The following DCHS1 variants were observed in gnomAD, a reference collection of about 807,000 sequenced individuals.
DCHS1 encodes protocadherin-16.
In DCHS1, 78 loss-of-function variants were observed where a neutral mutation model predicts 213.9. That is an observed-to-expected ratio of 0.36 (90% CI 0.30 to 0.44). DCHS1 has a LOEUF of 0.44. DCHS1 is among the 20% of genes least tolerant of loss of function. The pLI is 1.00. For missense variants in DCHS1, 3,946 were observed against 4,395.9 expected, an observed-to-expected ratio of 0.90 and a Z score of 2.89; for synonymous variants, 1,828 against 1,873.7, an observed-to-expected ratio of 0.98 and a Z score of 0.63.
rs1166792634 is a variant in DCHS1, at chr11:6,626,342, C to T, written c.6403G>A (p.Glu2135Lys). Residue 2135 changes from glutamate to lysine, a missense_variant, in exon 16 of 21, where the codon GAG becomes AAG. Glu to Lys is a moderately conservative substitution (Grantham distance 56). Coordinates refer to ENST00000299441, the MANE Select transcript of DCHS1 (RefSeq NM_003737.4). The surrounding 1 kb of genome is among the most constrained non-coding windows in gnomAD (Gnocchi z 5.2). The stretch of plus-strand genomic sequence containing the variant: ...ACCAGTCGCAGCCGTGGACTCACCT[C>T]GAAGTCTAGCCCCTCTGCTGAGCGA... ...TVRSAEGLDF[E>K]VSPRLRLVLQ... is the part of the protein sequence containing the mutation. 1.2e-6 allele frequency: 2 copies of T among 1,613,496 alleles called. No individual in the cohort carries two copies. Among genetic ancestry groups the T allele is most frequent in the Non-Finnish European group, 1.7e-6 (2 of 1,179,728 alleles).
At chr11:6,642,906 T>C (rs1301171976) in intron 1 of DCHS1, among the ~76,000 whole-genome samples, 1 of 151,836 alleles carries the variant, frequency 6.6e-6, no homozygotes, top group Non-Finnish European at 1.5e-5. Flanking sequence ...GTAACTTGGG[T>C]GAGTGTAAGC....
Position 6,622,217 on chromosome 11 carries a change from G to A in DCHS1, c.9459C>T (p.Gly3153=), listed in dbSNP as rs145042783. 3.6e-5 allele frequency: 57 copies of A among 1,600,200 alleles called. No homozygotes were observed. In the Middle Eastern group the frequency reaches 6.6e-4, roughly 19 times the overall value. ...TATAGCTGCCACGGAGCTCCTCCTCGCCGGCCACAATGGCTGTCAGCGCAC... is the reference window on the plus strand; with the variant it reads ...TATAGCTGCCACGGAGCTCCTCCTCACCGGCCACAATGGCTGTCAGCGCAC... The part of the protein sequence containing the change: ...VAGALTAIVA[G]EEELRGSYNW... Residue 3153 remains glycine (G), a synonymous_variant, in exon 21 of 21, where the codon GGC becomes GGT. Coordinates refer to ENST00000299441, the MANE Select transcript of DCHS1 (RefSeq NM_003737.4). This position sits in a 1 kb window ranked among gnomAD's most constrained non-coding sequence, Gnocchi z 5.4.
Position 6,628,775 on chromosome 11 carries a change from C to T in DCHS1, c.5217G>A (p.Val1739=). ...CATGGTCATTCTCATCCTCCACAGC[C>T]ACTCGAACAGTGACATGCGTTAACT... The part of the protein sequence containing the change: ...PPQLTHVTVR[V]AVEDENDHAP... The change falls in exon 13 of 21, where the codon GTG becomes GTA. Residue 1739 remains valine (V), a synonymous_variant. Transcript: ENST00000299441. This position sits in a 1 kb window ranked among gnomAD's most constrained non-coding sequence, Gnocchi z 4.3. 1 of 1,614,012 alleles carries T rather than the reference C, an allele frequency of 6.2e-7. No homozygotes were observed. Among genetic ancestry groups the T allele is most frequent in the East Asian group, 2.2e-5 (1 of 44,886 alleles).
At position 6,640,620 on chromosome 11, in the gene DCHS1, C is replaced by A; in HGVS notation, c.994G>T (p.Val332Leu). The A allele has an allele frequency of 6.2e-7, 1 of 1,609,888 alleles. No homozygotes were observed. Among genetic ancestry groups the A allele is most frequent in the Non-Finnish European group, 8.5e-7 (1 of 1,179,866 alleles). The change falls in exon 2 of 21, where the codon GTG becomes TTG. Residue 332 changes from valine to leucine, a missense_variant. Val to Leu is a conservative substitution (Grantham distance 32, BLOSUM62 1). Coordinates refer to ENST00000299441, the MANE Select transcript of DCHS1 (RefSeq NM_003737.4). The surrounding 1 kb of genome is among the most constrained non-coding windows in gnomAD (Gnocchi z 6.5). ...FEQRRVHELV[V>L]QARDGGAHPE... The stretch of plus-strand genomic sequence containing the variant: ...TGAGCCCCACCATCTCGTGCTTGCA[C>A]CACCAGTTCATGGACCCGCCGCTGC...
Position 6,622,195 on chromosome 11 carries a change from A to G in DCHS1, c.9481T>C (p.Tyr3161His). Reference protein sequence around the residue: ...VAGEEELRGSYNWDYLLSWCP... With the variant: ...VAGEEELRGSHNWDYLLSWCP... ...CAGCTCAGCAGGTAGTCCCAGTTAT[A>G]GCTGCCACGGAGCTCCTCCTCGCCG... Residue 3161 changes from tyrosine (Y) to histidine (H), a missense_variant, in exon 21 of 21, where the codon TAT becomes CAT. Transcript: ENST00000299441. This position sits in a 1 kb window ranked among gnomAD's most constrained non-coding sequence, Gnocchi z 5.4. 1.2e-6 allele frequency: 2 copies of G among 1,606,020 alleles called. No individual in the cohort carries two copies. The highest frequency in any genetic ancestry group is 2.2e-5 in the East Asian group (1 of 44,700).
chr11:6,628,752 T>C lies in DCHS1; in HGVS notation c.5240A>G (p.His1747Arg). Residue 1747 changes from histidine (H) to arginine (R), a missense_variant, in exon 13 of 21, where the codon CAT becomes CGT. By Grantham distance (29) the His-to-Arg change is conservative (BLOSUM62 0). Around this residue, in one of 3 missense-constraint regions of DCHS1, gnomAD observed 3,384 missense variants for 3,780.1 expected, o/e 0.90. Coordinates refer to ENST00000299441, the MANE Select transcript of DCHS1 (RefSeq NM_003737.4). This position sits in a 1 kb window ranked among gnomAD's most constrained non-coding sequence, Gnocchi z 4.3. ...ATGGGCACTCCCAAAGGTTGGTGCATGGTCATTCTCATCCTCCACAGCCAC... is the reference window on the plus strand; with the variant it reads ...ATGGGCACTCCCAAAGGTTGGTGCACGGTCATTCTCATCCTCCACAGCCAC... ...VRVAVEDEND[H>R]APTFGSAHLS... 2 of 1,614,010 alleles carry C rather than the reference T, an allele frequency of 1.2e-6. No homozygotes were observed. Among genetic ancestry groups the C allele is most frequent in the African/African-American group, 1.3e-5 (1 of 75,048 alleles).
Position 6,650,611 on chromosome 11 carries a change from A to T in DCHS1, c.-121+4952T>A, listed in dbSNP as rs557637218. 2.0e-5 allele frequency among the ~76,000 whole-genome samples: 3 copies of T among 152,330 alleles called. No homozygotes were observed. In the East Asian group the frequency reaches 5.8e-4, roughly 29 times the overall value. ...TAATATGGGGAGGACTGAGGCCAGG[A>T]TGCCAGGAGTTGGAGGGCTCAGGGT... On this transcript the variant is annotated intron_variant, in intron 1 of 20. Transcript: ENST00000299441.
In DCHS1 at chr11:6,623,012, G is replaced by A. The variant is rs1167175925; in HGVS notation, c.8664C>T (p.Gly2888=). Residue 2888 remains glycine (G), a synonymous_variant, in exon 21 of 21, where the codon GGC becomes GGT. Transcript: ENST00000299441. Reference sequence around the variant, plus strand: ...CCCGTGGTGCTTCCCGCCGGGTCCGGCCCCCACCCCCAGAGGTGGCTGTTC... The same window carrying A: ...CCCGTGGTGCTTCCCGCCGGGTCCGACCCCCACCCCCAGAGGTGGCTGTTC... The part of the protein sequence containing the change: ...GSGTATSGGG[G]RTRREAPREL... The A allele has an allele frequency of 5.1e-6, 8 of 1,571,850 alleles. No individual in the cohort carries two copies. Among genetic ancestry groups the A allele is most frequent in the Non-Finnish European group, 5.2e-6 (6 of 1,159,158 alleles).
Position 6,640,985 on chromosome 11 carries a change from G to A in DCHS1, c.629C>T (p.Thr210Ile). The A allele has an allele frequency of 5.0e-6, 8 of 1,614,032 alleles. No homozygotes were observed. The highest frequency in any genetic ancestry group is 6.8e-6 in the Non-Finnish European group (8 of 1,179,894). ...DGTPVPELVV[T>I]GELDRENRSH... is the part of the protein sequence containing the mutation. ...GCGGTTCTCTCGGTCCAGTTCCCCA[G>A]TAACTACCAGCTCAGGTACTGGAGT... The change falls in exon 2 of 21, where the codon ACT becomes ATT. Residue 210 changes from threonine to isoleucine, a missense_variant. Thr to Ile is a moderately conservative substitution (Grantham distance 89). Coordinates refer to ENST00000299441, the MANE Select transcript of DCHS1 (RefSeq NM_003737.4). This position sits in a 1 kb window ranked among gnomAD's most constrained non-coding sequence, Gnocchi z 6.5.
In DCHS1 at chr11:6,634,171, C is replaced by A; in HGVS notation, c.1933G>T (p.Asp645Tyr). The A allele has an allele frequency of 6.2e-7, 1 of 1,613,002 alleles. No homozygotes were observed. The highest frequency in any genetic ancestry group is 1.1e-5 in the South Asian group (1 of 91,004). The change falls in exon 3 of 21, where the codon GAC becomes TAC. Residue 645 changes from aspartate to tyrosine, a missense_variant. Physicochemically the swap from Asp to Tyr is radical, Grantham distance 160. Transcript: ENST00000299441. ...SGDVCTTRTL[D>Y]RDQGPSSFDF... Reference sequence around the variant, plus strand: ...AAGCTTGAGGGCCCCTGGTCACGGTCCAGGGTCCGGGTTGTGCACACATCA... The same window carrying A: ...AAGCTTGAGGGCCCCTGGTCACGGTACAGGGTCCGGGTTGTGCACACATCA...
chr11:6,654,536 T>A (rs1254851080), intron 1 of DCHS1, among the ~76,000 whole-genome samples: 2 of 152,082 alleles, frequency 1.3e-5, no homozygotes, highest in African/African-American at 4.8e-5. Context: ...TTGCAGCATT[T>A]CTCCTGTGGG....
chr11:6,631,195 A>T lies in DCHS1; in HGVS notation c.3788T>A (p.Leu1263His). The change falls in exon 9 of 21, where the codon CTT (leucine) becomes CAT (histidine). Residue 1263 changes from leucine (L) to histidine (H), a missense_variant. By Grantham distance (99) the Leu-to-His change is moderately conservative. Transcript: ENST00000299441. ...LYTLTGPGSE[L>H]FSLHPHSGEL... Reference sequence around the variant, plus strand: ...CCCTGAGTGAGGGTGCAGAGAGAAAAGCTCTGAGCCAGGACCTGGGGACAG... The same window carrying T: ...CCCTGAGTGAGGGTGCAGAGAGAAATGCTCTGAGCCAGGACCTGGGGACAG... 1 of 1,611,384 alleles carries T rather than the reference A, an allele frequency of 6.2e-7. No individual in the cohort carries two copies. The highest frequency in any genetic ancestry group is 8.5e-7 in the Non-Finnish European group (1 of 1,178,090).
chr11:6,624,681 A>G (rs368729057), intron 20 of DCHS1, 49 bp downstream of exon 20: 308 of 1,611,422 alleles, frequency 1.9e-4, no homozygotes, highest in Non-Finnish European at 2.2e-4. Flanking sequence ...AGGTCAGATT[A>G]CAGCCCAACA....
At chr11:6,634,335 C>A in intron 2 of DCHS1, 29 bp from the exon 3 acceptor site, 1 of 1,536,168 alleles carries the variant, frequency 6.5e-7, no homozygotes, top group Admixed American at 2.1e-5. Flanking sequence ...GAGTGGTGTC[C>A]CCTCTTCTTT....
In DCHS1 at chr11:6,623,391, C is replaced by G; in HGVS notation, c.8285G>C (p.Ser2762Thr). Residue 2762 changes from serine to threonine, a missense_variant, in exon 21 of 21, where the codon AGC becomes ACC. Physicochemically the swap from Ser to Thr is moderately conservative, Grantham distance 58. Transcript: ENST00000299441. Reference protein sequence around the residue: ...PEGREAFALNSSTGELRARVP... With the variant: ...PEGREAFALNTSTGELRARVP... ...TCGCGCACGCAACTCCCCTGTTGAG[C>G]TGTTCAGTGCAAATGCCTCACGGCC... The G allele has an allele frequency of 3.8e-6, 6 of 1,597,336 alleles. No homozygotes were observed. The highest frequency in any genetic ancestry group is 5.1e-6 in the Non-Finnish European group (6 of 1,171,972).
chr11:6,623,399 T>C lies in DCHS1; in HGVS notation c.8277A>G (p.Ala2759=). 1.9e-6 allele frequency: 3 copies of C among 1,595,514 alleles called. No homozygotes were observed. The Middle Eastern group carries it at 5.0e-4, about 264-fold the overall frequency. The stretch of plus-strand genomic sequence containing the variant: ...GCAACTCCCCTGTTGAGCTGTTCAG[T>C]GCAAATGCCTCACGGCCCTCAGGTC... ...GPGPEGREAF[A]LNSSTGELRA... is the part of the protein sequence containing the mutation. Residue 2759 remains alanine (A), a synonymous_variant, in exon 21 of 21, where the codon GCA becomes GCG. Transcript: ENST00000299441.
chr11:6,638,250 C>T (rs1856015816), intron 2 of DCHS1, among the ~76,000 whole-genome samples: 1 of 152,186 alleles, frequency 6.6e-6, no homozygotes, highest in African/African-American at 2.4e-5. Flanking sequence ...GACATAAGGA[C>T]ACTAAGCACC....
Position 6,634,280 on chromosome 11 carries a change from G to A in DCHS1, c.1824C>T (p.Gly608=). 6.2e-6 allele frequency: 10 copies of A among 1,609,248 alleles called. No individual in the cohort carries two copies. The highest frequency in any genetic ancestry group is 6.8e-6 in the Non-Finnish European group (8 of 1,177,248). ...AGGAATAGGAGAGGAGGCCAAATGG[G>A]CCACTATCCGCGTCTGTGGCTGTCA... ...LQVTATDADS[G]PFGLLSYSLG... Residue 608 remains glycine (G), a synonymous_variant, in exon 3 of 21, where the codon GGC becomes GGT. Coordinates refer to ENST00000299441, the MANE Select transcript of DCHS1 (RefSeq NM_003737.4).
At position 6,623,968 on chromosome 11, in the gene DCHS1, G is replaced by T. The variant is rs1460762453; in HGVS notation, c.7708C>A (p.Leu2570Ile). Residue 2570 changes from leucine to isoleucine, a missense_variant, in exon 21 of 21, where the codon CTA (leucine) becomes ATA (isoleucine). Transcript: ENST00000299441. ...CCACGGTCAGCTGCAGCCACTGTTAGATTGTACTGTGTCAGGCTTTCAAAG... is the reference window on the plus strand; with the variant it reads ...CCACGGTCAGCTGCAGCCACTGTTATATTGTACTGTGTCAGGCTTTCAAAG... The part of the protein sequence containing the change: ...LDFESLTQYN[L>I]TVAAADRGQP... 6.2e-7 allele frequency: 1 copy of T among 1,610,142 alleles called. No individual in the cohort carries two copies. Among genetic ancestry groups the T allele is most frequent in the African/African-American group, 1.3e-5 (1 of 74,976 alleles).
Sources: gnomAD v4.1 joint callset for allele counts (sites outside exome capture counted in the v4.1 genomes callset) on GRCh38, gnomAD v4.1.1 for gene constraint, gnomAD v4.1.1 regional missense constraint, Gnocchi (gnomAD v3.1) non-coding constraint, MANE v1.5 for transcripts, NCBI Gene and HGNC (gene_info 2026-07-23, HGNC 2026-07-21) for gene names.